The following MARCHF1 variants were observed in gnomAD, a reference collection of about 807,000 sequenced individuals.
MARCHF1 encodes the protein membrane associated ring-CH-type finger 1.
A neutral mutation model predicts 54.2 loss-of-function variants in MARCHF1; 40 were observed. That is an observed-to-expected ratio of 0.74 (90% CI 0.57 to 0.96). The LOEUF (loss-of-function observed/expected upper bound fraction) is 0.96. MARCHF1 is among the 40% of genes least tolerant of loss of function. The pLI is 0.00. For synonymous variants in MARCHF1, 236 were observed against 236.3 expected (o/e 1.00, Z 0.01); for missense variants, 586 against 656.5 (o/e 0.89, Z 1.17).
chr4:163,678,572 G>A (rs1191143664), intron 5 of MARCHF1, among the ~76,000 whole-genome samples: 2 of 152,092 alleles, frequency 1.3e-5, no homozygotes, highest in African/African-American at 4.8e-5. Context: ...TAAACATTCA[G>A]TATATCTCCT....
chr4:163,891,804 T>C (rs1750666994), intron 3 of MARCHF1, among the ~76,000 whole-genome samples: 2 of 152,182 alleles, frequency 1.3e-5, no homozygotes, highest in African/African-American at 4.8e-5. Flanking sequence ...TTTTCTTTCT[T>C]TCTTTTTTAA....
intron 2 of MARCHF1, among the ~76,000 whole-genome samples, chr4:164,002,478 T>C (rs1450162905): frequency 2.6e-5 from 4 of 151,426 alleles, no homozygotes; most frequent in Non-Finnish European, 5.9e-5. Context: ...CAGAAAAAGA[T>C]AATTGAACCT....
chr4:164,023,658 G>A (rs1753712390), intron 2 of MARCHF1, among the ~76,000 whole-genome samples: 1 of 152,282 alleles, frequency 6.6e-6, no homozygotes, highest in East Asian at 1.9e-4. Flanking sequence ...AGCTTAGGAT[G>A]TCTGGCAATT....
chr4:164,134,850 T>TA (rs5863662), intron 1 of MARCHF1, among the ~76,000 whole-genome samples: 74,118 of 145,712 alleles, frequency 0.51, 18,760 homozygotes, highest in South Asian at 0.59. Context: ...TCAGTCTTAG[T>TA]AAAAAAAAAA....
Position 164,242,713 on chromosome 4 carries a change from T to G in MARCHF1, c.-322-131051A>C, listed in dbSNP as rs554821357. ...GGAGGACATTCAAACCAAAGGCAAA[T>G]AAGTTGAAAACTTTGAAAAAAATTT... On this transcript the variant is annotated intron_variant, in intron 1 of 9. Coordinates refer to ENST00000514618, the MANE Select transcript of MARCHF1 (RefSeq NM_001394959.1). Among the ~76,000 whole-genome samples the G allele has an allele frequency of 5.4e-3, 824 of 152,154 alleles. 4 individuals carry two copies. Among genetic ancestry groups the G allele is most frequent in the Non-Finnish European group, 8.4e-3 (570 of 67,994 alleles).
At chr4:163,639,008 A>ATT (rs1742454945) in intron 5 of MARCHF1, among the ~76,000 whole-genome samples, 1 of 152,044 alleles carries the variant, frequency 6.6e-6, no homozygotes, top group Non-Finnish European at 1.5e-5. Context: ...TATAGAGAAA[A>ATT]TAATAGTTCC....
intron 1 of MARCHF1, among the ~76,000 whole-genome samples, chr4:164,206,548 T>C (rs932714169): frequency 6.6e-6 from 1 of 152,186 alleles, no homozygotes; most frequent in African/African-American, 2.4e-5. Context: ...ACTTGTTCAT[T>C]AAAACACAAA....
chr4:163,671,022 T>G (rs1012140967), intron 5 of MARCHF1, among the ~76,000 whole-genome samples: 3 of 152,212 alleles, frequency 2.0e-5, no homozygotes, highest in African/African-American at 7.2e-5. Flanking sequence ...CTGAGTTCAT[T>G]TGCTTGCTGC....
chr4:163,950,493 C>A (rs1003957701), intron 3 of MARCHF1, among the ~76,000 whole-genome samples: 2 of 152,204 alleles, frequency 1.3e-5, no homozygotes, highest in Non-Finnish European at 2.9e-5. Flanking sequence ...GGTTGCTTCC[C>A]GGTCCCAGAG....
At chr4:164,040,044 A>G (rs1754091739) in intron 2 of MARCHF1, among the ~76,000 whole-genome samples, 1 of 146,766 alleles carries the variant, frequency 6.8e-6, no homozygotes. Flanking sequence ...ATACAAGCAT[A>G]ATTTATATAT....
intron 4 of MARCHF1, among the ~76,000 whole-genome samples, chr4:163,775,936 A>C (rs994522414): frequency 7.2e-5 from 11 of 152,168 alleles, no homozygotes; most frequent in African/African-American, 2.7e-4. Context: ...TGACCCAGTG[A>C]AATGGAAGGT....
At chr4:163,932,393 A>T (rs1336639119) in intron 3 of MARCHF1, 1 of 356,412 alleles carries the variant, frequency 2.8e-6, no homozygotes, top group Non-Finnish European at 5.6e-6. Context: ...AATCCTTTCA[A>T]ACCCTGCTGC....
At chr4:163,979,364 T>C (rs1752715049) in intron 3 of MARCHF1, among the ~76,000 whole-genome samples, 1 of 149,788 alleles carries the variant, frequency 6.7e-6, no homozygotes, top group African/African-American at 2.5e-5. Flanking sequence ...CATTTTTTTA[T>C]GGCTGCATAG....
chr4:163,679,281 T>C (rs568130512), intron 5 of MARCHF1, among the ~76,000 whole-genome samples: 4 of 152,364 alleles, frequency 2.6e-5, no homozygotes, highest in Admixed American at 2.0e-4. Context: ...AAGACACCTC[T>C]GTTTGATTCT....
intron 4 of MARCHF1, among the ~76,000 whole-genome samples, chr4:163,794,794 A>G (rs1175745918): frequency 1.3e-5 from 2 of 152,224 alleles, no homozygotes; most frequent in Non-Finnish European, 1.5e-5. Flanking sequence ...AACTTATACT[A>G]TGTGAGCTTT....
At chr4:163,754,284 G>C (rs1746602918) in intron 4 of MARCHF1, among the ~76,000 whole-genome samples, 1 of 152,078 alleles carries the variant, frequency 6.6e-6, no homozygotes, top group Admixed American at 6.5e-5. Context: ...TTGTGTTGTG[G>C]GCATCAGACC....
chr4:163,979,760 C>A (rs1299970549), intron 3 of MARCHF1, among the ~76,000 whole-genome samples: 2 of 152,156 alleles, frequency 1.3e-5, no homozygotes, highest in Admixed American at 1.3e-4. Flanking sequence ...GTTTGCATTT[C>A]TCTGATGGCC....
chr4:163,830,156 T>C (rs914431394), intron 4 of MARCHF1, among the ~76,000 whole-genome samples: 3 of 152,132 alleles, frequency 2.0e-5, no homozygotes, highest in Non-Finnish European at 4.4e-5. Context: ...CTTTAGCGTT[T>C]GAAGAATAAA....
At chr4:164,325,353 A>G (rs1735247678) in intron 1 of MARCHF1, among the ~76,000 whole-genome samples, 2 of 149,762 alleles carry the variant, frequency 1.3e-5, no homozygotes, top group Non-Finnish European at 3.0e-5. Flanking sequence ...ATATATATAT[A>G]TATTTGCACA....
Sources: allele counts gnomAD v4.1 joint callset (sites outside exome capture counted in the v4.1 genomes callset), GRCh38; gene constraint gnomAD v4.1.1; transcripts MANE v1.5; gene names NCBI Gene and HGNC (gene_info 2026-07-23, HGNC 2026-07-21).